The following CD96 variants were observed in gnomAD, a reference collection of about 807,000 sequenced individuals.
The protein encoded by CD96 is T-cell surface protein tactile.
A neutral mutation model predicts 71.3 loss-of-function variants in CD96; 70 were observed. The observed-to-expected ratio is 0.98, with a 90% CI of 0.81 to 1.20. The LOEUF (loss-of-function observed/expected upper bound fraction) is 1.20, where lower values mean the gene tolerates loss of function less well. Among genes scored for constraint, CD96 ranks in the 50% most tolerant of loss-of-function variants. The pLI, the probability that CD96 is intolerant of heterozygous loss-of-function variation, is 0.00. For missense variants in CD96, 742 were observed against 677.5 expected, an observed-to-expected ratio of 1.10 and a Z score of -1.06; for synonymous variants, 248 against 233.0, an observed-to-expected ratio of 1.06 and a Z score of -0.59.
At chr3:111,603,165 G>A (rs934502009) in intron 7 of CD96, among the ~76,000 whole-genome samples, 3 of 152,176 alleles carry the variant, frequency 2.0e-5, no homozygotes, top group African/African-American at 7.2e-5. Context: ...TCATGGACCA[G>A]GCACAGTGGC....
At chr3:111,612,307 G>T (rs1036251546) in intron 8 of CD96, among the ~76,000 whole-genome samples, 7 of 152,208 alleles carry the variant, frequency 4.6e-5, no homozygotes, top group East Asian at 1.9e-4. Context: ...GGAGAGTGCT[G>T]CAACAGAGGC....
In CD96 at chr3:111,596,023, G is replaced by A. The variant is rs541107164; in HGVS notation, c.808-2097G>A. Reference sequence around the variant, plus strand: ...CTAAAAATGCAAAAATTAGCCAGGTGTGGTGGTGCACGCCTGTAATCCCAG... The same window carrying A: ...CTAAAAATGCAAAAATTAGCCAGGTATGGTGGTGCACGCCTGTAATCCCAG... On this transcript the variant is annotated intron_variant, in intron 5 of 13. Coordinates refer to ENST00000352690, the MANE Select transcript of CD96 (RefSeq NM_005816.5). Among the ~76,000 whole-genome samples the A allele has an allele frequency of 1.3e-3, 192 of 152,032 alleles. 1 individual carries two copies. The highest frequency in any genetic ancestry group is 2.3e-3 in the Non-Finnish European group (155 of 67,952).
intron 2 of CD96, among the ~76,000 whole-genome samples, chr3:111,563,456 G>A (rs978335874): frequency 3.3e-5 from 5 of 152,220 alleles, no homozygotes; most frequent in African/African-American, 1.2e-4. Flanking sequence ...TTGGAGAAGG[G>A]AATGGATGGA....
At chr3:111,620,629 G>A (rs1193129478) in intron 8 of CD96, among the ~76,000 whole-genome samples, 5 of 152,152 alleles carry the variant, frequency 3.3e-5, no homozygotes, top group African/African-American at 1.2e-4. Context: ...AGACCAATAG[G>A]AGCGAAATAA....
intron 5 of CD96, among the ~76,000 whole-genome samples, chr3:111,596,097 G>T (rs1273675149): frequency 6.6e-6 from 1 of 152,030 alleles, no homozygotes; most frequent in Non-Finnish European, 1.5e-5. Flanking sequence ...GGGAGGTGGA[G>T]GTTGCAGTAA....
rs147205517 is a variant in CD96 at position 111,552,845 on chromosome 3, A to G, written c.418+7443A>G. ...GTTTTAGGTGATTCATGAAACAACT[A>G]TAAAAGCTTTAATTGTGGAAAACTC... On this transcript the variant is annotated intron_variant, in intron 2 of 13. Transcript: ENST00000352690. Among the ~76,000 whole-genome samples the G allele has an allele frequency of 5.1e-3, 770 of 152,312 alleles. 2 individuals carry two copies. Among genetic ancestry groups the G allele is most frequent in the Middle Eastern group, 0.024 (7 of 294 alleles).
chr3:111,547,762 T>C (rs1319285465), intron 2 of CD96, among the ~76,000 whole-genome samples: 1 of 152,208 alleles, frequency 6.6e-6, no homozygotes, highest in Non-Finnish European at 1.5e-5. Flanking sequence ...TGCTGTCATC[T>C]GGATCAGATG....
At chr3:111,610,338 T>C (rs539400708) in intron 8 of CD96, among the ~76,000 whole-genome samples, 3 of 152,328 alleles carry the variant, frequency 2.0e-5, no homozygotes, top group Non-Finnish European at 1.5e-5. Flanking sequence ...CTGGTAGGAT[T>C]CACCTTTGCA....
chr3:111,638,337 A>T (rs537751753), intron 12 of CD96, among the ~76,000 whole-genome samples, 169 bp downstream of exon 12: 6 of 152,240 alleles, frequency 3.9e-5, no homozygotes, highest in Non-Finnish European at 8.8e-5. Flanking sequence ...TATAGTAAAT[A>T]AATAATCACA....
chr3:111,578,541 T>C (rs1378036430), intron 3 of CD96, among the ~76,000 whole-genome samples: 1 of 152,212 alleles, frequency 6.6e-6, no homozygotes, highest in Non-Finnish European at 1.5e-5. Flanking sequence ...GAATGCCACT[T>C]TACCTGATCC....
chr3:111,557,527 G>A (rs1435712470), intron 2 of CD96, among the ~76,000 whole-genome samples: 2 of 129,478 alleles, frequency 1.5e-5, no homozygotes, highest in Admixed American at 8.1e-5. Flanking sequence ...GGTATGCGGC[G>A]TTAATTCTGA....
chr3:111,638,057 G>T (rs1445321326), intron 11 of CD96, 22 bp from the exon 12 acceptor site: 1 of 1,363,716 alleles, frequency 7.3e-7, no homozygotes, highest in South Asian at 1.2e-5. Flanking sequence ...GTCTTGTCCA[G>T]ATATCCCCTT....
intron 12 of CD96, 102 bp downstream of exon 12, chr3:111,638,270 A>G: frequency 1.3e-6 from 1 of 798,690 alleles, no homozygotes; most frequent in Non-Finnish European, 2.3e-6. Flanking sequence ...GTTGTTGGAT[A>G]TACAGTGAAC....
intron 3 of CD96, among the ~76,000 whole-genome samples, chr3:111,575,698 A>G (rs896317668): frequency 3.3e-5 from 5 of 152,264 alleles, no homozygotes; most frequent in African/African-American, 1.2e-4. Flanking sequence ...GGTGCCAGCA[A>G]GTTAGAGCCT....
intron 2 of CD96, among the ~76,000 whole-genome samples, chr3:111,556,068 A>C (rs549885875): frequency 3.3e-4 from 50 of 152,392 alleles, no homozygotes; most frequent in Non-Finnish European, 6.5e-4. Context: ...TAAATTTCTT[A>C]TTTTTGCTAC....
intron 3 of CD96, among the ~76,000 whole-genome samples, chr3:111,577,953 G>A (rs887570635): frequency 6.6e-6 from 1 of 152,136 alleles, no homozygotes; most frequent in African/African-American, 2.4e-5. Flanking sequence ...GTTGTTTAGA[G>A]TTAGGCCAGT....
intron 10 of CD96, among the ~76,000 whole-genome samples, chr3:111,635,857 CACCAT>C (rs1479849718): frequency 1.3e-5 from 2 of 152,138 alleles, no homozygotes; most frequent in East Asian, 3.9e-4. Flanking sequence ...AGAAAGGAGT[CACCAT>C]ACCATATTGA....
chr3:111,647,029 C>T (rs752396900), intron 12 of CD96, among the ~76,000 whole-genome samples: 1 of 137,934 alleles, frequency 7.2e-6, no homozygotes, highest in Non-Finnish European at 1.5e-5. Context: ...TACATATGGA[C>T]ACAAAGACAA....
intron 10 of CD96, among the ~76,000 whole-genome samples, chr3:111,627,556 G>A (rs1440334093): frequency 2.6e-5 from 4 of 152,202 alleles, no homozygotes; most frequent in Non-Finnish European, 4.4e-5. Flanking sequence ...TGCTGTTTGG[G>A]CATCTCATCC....
Sources: allele counts gnomAD v4.1 joint callset (sites outside exome capture counted in the v4.1 genomes callset), GRCh38; gene constraint gnomAD v4.1.1; transcripts MANE v1.5; gene names NCBI Gene and HGNC (gene_info 2026-07-23, HGNC 2026-07-21).